Variants in VPS35L observed in about 807,000 individuals in gnomAD.
VPS35L encodes VPS35 endosomal protein sorting factor like, also known as VPS35 endosomal protein-sorting factor-like.
A neutral mutation model predicts 133.0 loss-of-function variants in VPS35L; 83 were observed. That is an observed-to-expected ratio of 0.62 (90% CI 0.52 to 0.75). VPS35L has a LOEUF of 0.75. Ranked by LOEUF, VPS35L falls within the 30% of genes least tolerant of loss-of-function variation. The pLI is 0.00. For synonymous variants in VPS35L, 423 were observed against 449.9 expected (o/e 0.94, Z 0.76); for missense variants, 1,083 against 1,206.8 (o/e 0.90, Z 1.52).
At chr16:19,643,720 T>C (rs772284264) in intron 22 of VPS35L, among the ~76,000 whole-genome samples, 1 of 151,432 alleles carries the variant, frequency 6.6e-6, no homozygotes, top group Non-Finnish European at 1.5e-5. Context: ...CCAAGATGAG[T>C]GGATCACCTG....
In VPS35L at chr16:19,555,765, G is replaced by C; in HGVS notation, c.17+19G>C. The C allele has an allele frequency of 6.4e-7, 1 of 1,566,702 alleles. No individual in the cohort carries two copies. Among genetic ancestry groups the C allele is most frequent in the Non-Finnish European group, 8.6e-7 (1 of 1,157,252 alleles). On this transcript the variant is annotated intron_variant, in intron 1 of 30. Coordinates refer to ENST00000417362, the MANE Select transcript of VPS35L (RefSeq NM_020314.7). ...TTCCTTGGTAAGGAAGCAGCGGCGG[G>C]TGGGCTTTGGAGAGGGGCTGTCCTT...
At chr16:19,619,940 G>C (rs1204202655) in intron 14 of VPS35L, among the ~76,000 whole-genome samples, 3 of 152,140 alleles carry the variant, frequency 2.0e-5, no homozygotes, top group Non-Finnish European at 1.5e-5. Context: ...TCCATTAGAG[G>C]CCAAGACTTC....
rs79131945 is a variant in VPS35L, at chr16:19,628,698, G to A, written c.1445G>A (p.Arg482Gln). The change falls in exon 17 of 31, where the codon CGA becomes CAA. Residue 482 changes from arginine to glutamine, a missense_variant. Transcript: ENST00000417362. ...TTGGCTGATCCTCCTGAGAGTGACC[G>A]ACTTCAGATTCTCAACGAAGCTTGG... ...LALADPPESD[R>Q]LQILNEAWKV... 1,568 of 1,599,956 alleles carry A rather than the reference G, an allele frequency of 9.8e-4. 12 individuals carry two copies. In the African/African-American group the frequency reaches 0.018, roughly 18 times the overall value.
chr16:19,622,659 C>T (rs535215579), intron 14 of VPS35L, among the ~76,000 whole-genome samples: 12 of 152,198 alleles, frequency 7.9e-5, no homozygotes, highest in Admixed American at 5.2e-4. Context: ...GTTAGGTAGG[C>T]GTTGAATGAT....
At chr16:19,647,905 T>G (rs768281635) in intron 24 of VPS35L, 23 bp downstream of exon 24, 89 of 1,545,436 alleles carry the variant, frequency 5.8e-5, no homozygotes, top group South Asian at 4.7e-4. Context: ...ATTCATTAGT[T>G]TCTTCTCTCA....
rs1291873055 is a variant in VPS35L, at chr16:19,591,782, T to G, written c.640-8T>G. ...GAGTGAATTTTCTCTTTTTTTCTCTTTTTTTAGTGTTCAAAGCTTCTTTCA... is the reference window on the plus strand; with the variant it reads ...GAGTGAATTTTCTCTTTTTTTCTCTGTTTTTAGTGTTCAAAGCTTCTTTCA... On this transcript the variant is annotated splice_polypyrimidine_tract_variant and splice_region_variant and intron_variant, in intron 7 of 30. Coordinates refer to ENST00000417362, the MANE Select transcript of VPS35L (RefSeq NM_020314.7). 18 of 1,606,996 alleles carry G rather than the reference T, an allele frequency of 1.1e-5. No individual in the cohort carries two copies. Among genetic ancestry groups the G allele is most frequent in the Non-Finnish European group, 1.5e-5 (18 of 1,174,086 alleles).
intron 28 of VPS35L, among the ~76,000 whole-genome samples, chr16:19,685,587 G>A (rs189711433): frequency 2.5e-3 from 387 of 152,242 alleles, no homozygotes; most frequent in Admixed American, 5.0e-3. Flanking sequence ...TATATTCTGC[G>A]TTGGAGGATA....
chr16:19,619,875 A>G (rs953433129), intron 14 of VPS35L, among the ~76,000 whole-genome samples: 3 of 152,306 alleles, frequency 2.0e-5, no homozygotes, highest in East Asian at 1.9e-4. Flanking sequence ...TTTGGTGCCT[A>G]AAAGCTCTTT....
At chr16:19,575,207 A>G in intron 5 of VPS35L, 85 bp downstream of exon 5, 1 of 1,261,998 alleles carries the variant, frequency 7.9e-7, no homozygotes, top group Non-Finnish European at 1.1e-6. Flanking sequence ...GTTTTATGTG[A>G]TATGATTCTG....
chr16:19,685,478 T>C (rs1049434978), intron 28 of VPS35L, among the ~76,000 whole-genome samples: 3 of 152,210 alleles, frequency 2.0e-5, no homozygotes, highest in Admixed American at 6.5e-5. Flanking sequence ...GGGGCTATTA[T>C]GAGTAATGCA....
intron 12 of VPS35L, among the ~76,000 whole-genome samples, chr16:19,610,988 A>G (rs187835293): frequency 6.6e-6 from 1 of 152,176 alleles, no homozygotes; most frequent in African/African-American, 2.4e-5. Flanking sequence ...AATGTAACCA[A>G]TGGAGGTTAT....
chr16:19,673,789 C>CATT (rs1974956664), intron 27 of VPS35L, among the ~76,000 whole-genome samples: 1 of 152,136 alleles, frequency 6.6e-6, no homozygotes, highest in Non-Finnish European at 1.5e-5. Flanking sequence ...AGGTAGGAAT[C>CATT]ATTGCACCTT....
chr16:19,622,056 C>T (rs1973099181), intron 14 of VPS35L, among the ~76,000 whole-genome samples: 1 of 150,738 alleles, frequency 6.6e-6, no homozygotes, highest in South Asian at 2.1e-4. Flanking sequence ...TTCCTCCCAT[C>T]TTACCCTCAG....
At chr16:19,637,391 G>C (rs1362528283) in intron 19 of VPS35L, among the ~76,000 whole-genome samples, 2 of 152,064 alleles carry the variant, frequency 1.3e-5, no homozygotes, top group African/African-American at 2.4e-5. Flanking sequence ...GGCAAACTCA[G>C]CTTGAGACAG....
At chr16:19,574,195 C>T (rs984714668) in intron 4 of VPS35L, among the ~76,000 whole-genome samples, 10 of 152,130 alleles carry the variant, frequency 6.6e-5, no homozygotes. Flanking sequence ...GGAGAGGAGT[C>T]CAGGGCTGGT....
Position 19,599,363 on chromosome 16 carries a change from A to G in VPS35L, c.725-2301A>G, listed in dbSNP as rs112789039. Among the ~76,000 whole-genome samples the G allele has an allele frequency of 8.5e-4, 130 of 152,256 alleles. 1 individual carries two copies. Among genetic ancestry groups the G allele is most frequent in the African/African-American group, 3.0e-3 (125 of 41,556 alleles). ...CCCAGTTGGAGAAGCACTGGCTCAG[A>G]GGGAAAAGGGAAGTTTGTTGCTATT... is the stretch of plus-strand genomic sequence containing the variant. On this transcript the variant is annotated intron_variant, in intron 8 of 30. Transcript: ENST00000417362.
At chr16:19,578,738 G>T in intron 5 of VPS35L, 1 of 362,052 alleles carries the variant, frequency 2.8e-6, no homozygotes, top group Non-Finnish European at 5.2e-6. Flanking sequence ...CGGATTTTTG[G>T]CATCCTTATC....
chr16:19,669,361 T>C, intron 27 of VPS35L, 62 bp downstream of exon 27: 1 of 1,535,386 alleles, frequency 6.5e-7, no homozygotes, highest in Non-Finnish European at 8.8e-7. Context: ...TAATATTATA[T>C]GTGTTCTTAG....
intron 28 of VPS35L, among the ~76,000 whole-genome samples, chr16:19,688,188 A>G (rs145353301): frequency 0.057 from 8,713 of 152,006 alleles, 689 homozygotes; most frequent in African/African-American, 0.17. Flanking sequence ...TGGCCTCCCA[A>G]AGTGCTGGGA....
Sources: allele counts gnomAD v4.1 joint callset (sites outside exome capture counted in the v4.1 genomes callset), GRCh38; gene constraint gnomAD v4.1.1; transcripts MANE v1.5; gene names NCBI Gene and HGNC (gene_info 2026-07-23, HGNC 2026-07-21).